Variants in NPIPB8 observed in about 807,000 individuals in gnomAD.
NPIPB8 encodes the protein nuclear pore complex-interacting protein family member B8.
A neutral mutation model predicts 5.3 loss-of-function variants in NPIPB8; 3 were observed. The observed-to-expected ratio is 0.57, with a 90% CI of 0.26 to 1.47. NPIPB8 has a LOEUF of 1.47. NPIPB8 is among the 40% of genes most tolerant of loss of function. NPIPB8 has a pLI of 0.13. For missense variants in NPIPB8, 50 were observed against 50.2 expected (o/e 1.00, Z 0.01); for synonymous variants, 18 against 23.0 (o/e 0.78, Z 0.62).
intron 2 of NPIPB8, among the ~76,000 whole-genome samples, chr16:28,640,456 C>G (rs1018044657): frequency 6.6e-5 from 10 of 152,106 alleles, no homozygotes; most frequent in African/African-American, 2.2e-4. Flanking sequence ...TGGCTCCCAA[C>G]TCTTTTGCCT....
chr16:28,644,644 C>T lies in NPIPB8; in HGVS notation c.121-3491C>T. 3 of 1,461,796 alleles carry T rather than the reference C, an allele frequency of 2.1e-6. No homozygotes were observed. The South Asian group carries it at 3.6e-5, about 18-fold the overall frequency. 90.6% of individuals were successfully genotyped at this position (1,461,796 alleles called of 1,614,324 possible). A position where few individuals can be genotyped will look rare whatever the true frequency, so the allele number is the denominator to read the frequency against. On this transcript the variant is annotated intron_variant, in intron 2 of 7. Coordinates refer to ENST00000683297, the MANE Select transcript of NPIPB8 (RefSeq NM_001310136.2). ...GCTCCTGCTGGGATTTATCAGCCAT[C>T]AGCCCACCCCTGTGAGTAGACGCTG...
At chr16:28,639,034 A>C (rs1213158244) in intron 2 of NPIPB8, among the ~76,000 whole-genome samples, 2 of 142,654 alleles carry the variant, frequency 1.4e-5, no homozygotes, top group Non-Finnish European at 3.1e-5. Context: ...ACGCCATTGC[A>C]CTCCAGACTG....
At chr16:28,642,104 C>T (rs1173124280) in intron 2 of NPIPB8, among the ~76,000 whole-genome samples, 1 of 130,450 alleles carries the variant, frequency 7.7e-6, no homozygotes, top group African/African-American at 3.2e-5. Context: ...AAATCTAGGG[C>T]TTCTTTTTTT....
chr16:28,638,620 C>G lies in NPIPB8; in HGVS notation c.120+140C>G. 4.4e-6 allele frequency: 6 copies of G among 1,367,256 alleles called. No homozygotes were observed. In the South Asian group the frequency reaches 8.1e-5, roughly 19 times the overall value. The allele number at this position is 1,367,256 out of a possible 1,614,324, so 84.7% of individuals were successfully genotyped here. A position where few individuals can be genotyped will look rare whatever the true frequency, so the allele number is the denominator to read the frequency against. On this transcript the variant is annotated intron_variant, in intron 2 of 7. Coordinates refer to ENST00000683297, the MANE Select transcript of NPIPB8 (RefSeq NM_001310136.2). Reference sequence around the variant, plus strand: ...GCTTCTTCCTCTTTTTCTTTCCATACAAGTGGCTTAGGGATGGGGTAAAGT... The same window carrying G: ...GCTTCTTCCTCTTTTTCTTTCCATAGAAGTGGCTTAGGGATGGGGTAAAGT...
Position 28,652,821 on chromosome 16 carries a change from C to T in NPIPB8, c.599+457C>T, listed in dbSNP as rs1296957912. Among the ~76,000 whole-genome samples, 17 of 136,818 alleles carry T rather than the reference C, an allele frequency of 1.2e-4. 1 individual carries two copies. The highest frequency in any genetic ancestry group is 2.9e-5 in the African/African-American group (1 of 34,388). 89.8% of individuals were successfully genotyped at this position (136,818 alleles called of 152,430 possible). On this transcript the variant is annotated intron_variant, in intron 5 of 7. Transcript: ENST00000683297. Reference sequence around the variant, plus strand: ...TTCACCATGTTGTCCAGGCTGGTCTCGAACTTCTGACCTCAGGTAATCCAC... The same window carrying T: ...TTCACCATGTTGTCCAGGCTGGTCTTGAACTTCTGACCTCAGGTAATCCAC...
At chr16:28,640,739 G>A (rs534861615) in intron 2 of NPIPB8, among the ~76,000 whole-genome samples, 29 of 152,262 alleles carry the variant, frequency 1.9e-4, no homozygotes, top group East Asian at 5.8e-4. Flanking sequence ...ATCATCACCA[G>A]CATGATTAAA....
At chr16:28,644,528 C>A (rs950788631) in intron 2 of NPIPB8, 2 of 1,363,922 alleles carry the variant, frequency 1.5e-6, no homozygotes, top group South Asian at 2.5e-5. Flanking sequence ...TCCCTCCCCC[C>A]TGCCCTAAGC....
chr16:28,638,761 G>C (rs1231074852), intron 2 of NPIPB8, among the ~76,000 whole-genome samples: 1 of 150,366 alleles, frequency 6.7e-6, no homozygotes, highest in African/African-American at 2.5e-5. Flanking sequence ...CACTTAAAAA[G>C]TTTATTTATT....
chr16:28,637,900 A>C (rs2047822440), upstream of NPIPB8: 1 of 380,002 alleles, frequency 2.6e-6, no homozygotes, highest in African/African-American at 2.2e-5. Context: ...GTGTGATTAA[A>C]TAGGGTTATA....
intron 2 of NPIPB8, among the ~76,000 whole-genome samples, chr16:28,641,288 G>A (rs1054459710): frequency 4.7e-5 from 7 of 150,496 alleles, no homozygotes; most frequent in Admixed American, 2.7e-4. Context: ...GGGATAGTGG[G>A]GGTAGTGGGG....
intron 3 of NPIPB8, among the ~76,000 whole-genome samples, chr16:28,651,732 T>G (rs28377592): frequency 1.3e-5 from 1 of 78,996 alleles, no homozygotes; most frequent in Non-Finnish European, 2.4e-5. Flanking sequence ...CAGCTTCAAA[T>G]GGTTCTCTGC....
intron 2 of NPIPB8, among the ~76,000 whole-genome samples, chr16:28,642,671 A>G (rs1330632460): frequency 1.3e-5 from 2 of 150,316 alleles, no homozygotes; most frequent in African/African-American, 2.5e-5. Flanking sequence ...TTTATTAGAG[A>G]CAGGGTTTCA....
chr16:28,638,765 A>C (rs1266339850), intron 2 of NPIPB8, among the ~76,000 whole-genome samples: 3 of 150,396 alleles, frequency 2.0e-5, no homozygotes, highest in Non-Finnish European at 4.4e-5. Context: ...TAAAAAGTTT[A>C]TTTATTATCT....
chr16:28,638,296 A>T, intron 1 of NPIPB8, 27 bp from the exon 2 acceptor site: 4 of 1,544,548 alleles, frequency 2.6e-6, no homozygotes, highest in Non-Finnish European at 3.5e-6. Flanking sequence ...CTCATTCAAC[A>T]AACTTTTTTT....
At chr16:28,642,351 A>G (rs2411434) in intron 2 of NPIPB8, among the ~76,000 whole-genome samples, 3,175 of 151,584 alleles carry the variant, frequency 0.021, 116 homozygotes, top group African/African-American at 0.073. Flanking sequence ...TGATCCACCT[A>G]CCTCAGCCTC....
rs1220685053 is a variant in NPIPB8, at chr16:28,645,248, C to A, written c.121-2887C>A. 2.7e-5 allele frequency among the ~76,000 whole-genome samples: 3 copies of A among 112,280 alleles called. 1 individual carries two copies. The highest frequency in any genetic ancestry group is 5.9e-5 in the Non-Finnish European group (3 of 51,100). The allele number at this position is 112,280 out of a possible 152,430, so 73.7% of individuals were successfully genotyped here. A position where few individuals can be genotyped will look rare whatever the true frequency, so the allele number is the denominator to read the frequency against. ...GTTTCACCATGTTCGCCAGGATAGT[C>A]TCCATCTCTTGACCTCGTGATCCGC... is the stretch of plus-strand genomic sequence containing the variant. On this transcript the variant is annotated intron_variant, in intron 2 of 7. Coordinates refer to ENST00000683297, the MANE Select transcript of NPIPB8 (RefSeq NM_001310136.2).
At chr16:28,637,913 T>G (rs990876262), upstream of NPIPB8, 5 of 438,350 alleles carry the variant, frequency 1.1e-5, no homozygotes, top group Non-Finnish European at 1.7e-5. Flanking sequence ...GGGTTATAAT[T>G]AGTAATATAA....
intron 2 of NPIPB8, among the ~76,000 whole-genome samples, chr16:28,643,037 G>C (rs1297335067): frequency 6.6e-6 from 1 of 152,050 alleles, no homozygotes; most frequent in African/African-American, 2.4e-5. Flanking sequence ...GTGATAGACA[G>C]TGGGGGTCTG....
rs1479135845 is a variant in NPIPB8, at chr16:28,641,968, G to A, written c.120+3488G>A. 4.1e-5 allele frequency among the ~76,000 whole-genome samples: 6 copies of A among 145,870 alleles called. No homozygotes were observed. The South Asian group carries it at 1.3e-3, about 32-fold the overall frequency. ...ATCTTCCTTTCCCTGTCTCTGCTTGGGCTATGATCACGGTGACTCTAGCAA... is the reference window on the plus strand; with the variant it reads ...ATCTTCCTTTCCCTGTCTCTGCTTGAGCTATGATCACGGTGACTCTAGCAA... On this transcript the variant is annotated intron_variant, in intron 2 of 7. Coordinates refer to ENST00000683297, the MANE Select transcript of NPIPB8 (RefSeq NM_001310136.2).
Sources: allele counts gnomAD v4.1 joint callset (sites outside exome capture counted in the v4.1 genomes callset), GRCh38; gene constraint gnomAD v4.1.1; transcripts MANE v1.5; gene names NCBI Gene and HGNC (gene_info 2026-07-23, HGNC 2026-07-21).